The following NFASC variants were observed in gnomAD, a reference collection of about 807,000 sequenced individuals.
NFASC encodes neurofascin homolog.
Under a neutral mutation model 147.5 loss-of-function variants are expected in NFASC, and 43 were observed. The ratio of observed to expected loss-of-function variants is 0.29; its 90% CI spans 0.23 to 0.38. The LOEUF (loss-of-function observed/expected upper bound fraction) is 0.38. Ranked by LOEUF, NFASC falls within the 10% of genes least tolerant of loss-of-function variation. The probability of loss-of-function intolerance (pLI) is 1.00; values close to 1 mark genes in which losing one functional copy is unlikely to be tolerated. For synonymous variants in NFASC, 622 were observed against 665.5 expected, an observed-to-expected ratio of 0.93 and a Z score of 1.01; for missense variants, 1,320 against 1,689.0, an observed-to-expected ratio of 0.78 and a Z score of 3.83.
chr1:204,966,601 T>A (rs1165831605), intron 8 of NFASC, among the ~76,000 whole-genome samples: 2 of 152,214 alleles, frequency 1.3e-5, no homozygotes, highest in Non-Finnish European at 2.9e-5. Flanking sequence ...TAGACATAGA[T>A]GATAACCAAT....
chr1:204,918,832 A>C (rs186076975), intron 1 of NFASC, among the ~76,000 whole-genome samples: 2,231 of 152,084 alleles, frequency 0.015, 21 homozygotes, highest in South Asian at 0.032. Context: ...GTGATCTGCC[A>C]ACCTTGGCCT....
chr1:205,001,055 G>A (rs751172734), intron 25 of NFASC, 115 bp from the exon 26 acceptor site: 16 of 711,068 alleles, frequency 2.3e-5, no homozygotes, highest in East Asian at 8.2e-5. Context: ...ACATGTGTGC[G>A]TGCGCGAGTG....
chr1:204,876,753 C>T (rs1224982560), intron 1 of NFASC, among the ~76,000 whole-genome samples: 1 of 151,950 alleles, frequency 6.6e-6, no homozygotes, highest in Non-Finnish European at 1.5e-5. Context: ...TGTCAAGGCT[C>T]ATTATATTGC....
intron 27 of NFASC, among the ~76,000 whole-genome samples, chr1:205,003,622 A>T (rs1345269296): frequency 1.3e-5 from 2 of 152,136 alleles, no homozygotes; most frequent in Non-Finnish European, 2.9e-5. Flanking sequence ...ATTAAGAGAG[A>T]AAAGGATCAG....
At chr1:204,840,050 C>T (rs1439432763) in intron 1 of NFASC, among the ~76,000 whole-genome samples, 1 of 152,188 alleles carries the variant, frequency 6.6e-6, no homozygotes, top group Non-Finnish European at 1.5e-5. Context: ...CTGCCCTTCA[C>T]CATCCTCCAC....
chr1:204,994,479 G>A (rs2095804625), intron 24 of NFASC, among the ~76,000 whole-genome samples: 1 of 152,140 alleles, frequency 6.6e-6, no homozygotes, highest in South Asian at 2.1e-4. Context: ...GGGTATGAGT[G>A]TGTGTGTGTC....
At chr1:204,846,459 CATGA>C (rs1459346662) in intron 1 of NFASC, among the ~76,000 whole-genome samples, 7 of 152,046 alleles carry the variant, frequency 4.6e-5, no homozygotes, top group Non-Finnish European at 1.0e-4. Flanking sequence ...GGGAGTGCGG[CATGA>C]ATTAGGGTGG....
chr1:205,017,836 G>GC lies in NFASC; in HGVS notation c.*1302dup, dbSNP rs1382041097. On this transcript the variant is annotated 3_prime_UTR_variant, in exon 30 of 30. Coordinates refer to ENST00000339876, the MANE Select transcript of NFASC (RefSeq NM_001005388.3). Reference sequence around the variant, plus strand: ...GTGGCACCGTACTCAGTGTTGTGATGCCCCCACCTAGGGAGGACTCAATGC... The same window carrying GC: ...GTGGCACCGTACTCAGTGTTGTGATGCCCCCCACCTAGGGAGGACTCAATGC... 6.5e-6 allele frequency: 1 copy of GC among 152,726 alleles called. No homozygotes were observed. Among genetic ancestry groups the GC allele is most frequent in the African/African-American group, 2.4e-5 (1 of 41,446 alleles). The allele number at this position is 152,726 out of a possible 1,614,324, so 9.5% of individuals were successfully genotyped here. A position where few individuals can be genotyped will look rare whatever the true frequency, so the allele number is the denominator to read the frequency against.
intron 27 of NFASC, among the ~76,000 whole-genome samples, chr1:205,004,417 T>A (rs2096063965): frequency 6.6e-6 from 1 of 152,250 alleles, no homozygotes; most frequent in South Asian, 2.1e-4. Context: ...AGGCTCATCT[T>A]GATAGCTTGC....
At chr1:204,851,637 C>A (rs1333656818) in intron 1 of NFASC, among the ~76,000 whole-genome samples, 2 of 152,038 alleles carry the variant, frequency 1.3e-5, no homozygotes, top group Non-Finnish European at 2.9e-5. Context: ...CAGGTCAAAT[C>A]ATGCTTTTAT....
At chr1:205,006,209 G>A (rs941889875) in intron 27 of NFASC, among the ~76,000 whole-genome samples, 1 of 152,172 alleles carries the variant, frequency 6.6e-6, no homozygotes, top group African/African-American at 2.4e-5. Flanking sequence ...CAGGTTAACT[G>A]TATTATAGTA....
chr1:204,993,648 CAG>C (rs1402615515), intron 24 of NFASC: 1 of 441,210 alleles, frequency 2.3e-6, no homozygotes, highest in Non-Finnish European at 4.6e-6. Context: ...CCTTAGCTAA[CAG>C]AGAGTCTCTG....
intron 24 of NFASC, among the ~76,000 whole-genome samples, chr1:204,996,151 C>T (rs1244834796): frequency 6.6e-6 from 1 of 152,126 alleles, no homozygotes; most frequent in African/African-American, 2.4e-5. Context: ...AAAGTTGTCA[C>T]ATACATAAGC....
chr1:204,951,539 G>A (rs1435163113), intron 4 of NFASC, among the ~76,000 whole-genome samples: 2 of 149,046 alleles, frequency 1.3e-5, no homozygotes, highest in Non-Finnish European at 3.0e-5. Flanking sequence ...TGCGATCTCG[G>A]CTCACTGCAA....
chr1:204,859,542 C>T (rs2076487118), intron 1 of NFASC, among the ~76,000 whole-genome samples: 2 of 152,204 alleles, frequency 1.3e-5, no homozygotes, highest in African/African-American at 4.8e-5. Flanking sequence ...ATTATCTGTG[C>T]TATATTGTGG....
chr1:204,845,295 C>A (rs1003865813), intron 1 of NFASC, among the ~76,000 whole-genome samples: 44 of 140,530 alleles, frequency 3.1e-4, no homozygotes, highest in East Asian at 4.1e-4. Context: ...TACTAAAATA[C>A]AAAAAAAAAA....
In NFASC at chr1:204,952,020, C is replaced by T. The variant is rs764209077; in HGVS notation, c.119C>T (p.Pro40Leu). ...DPSIQNELTQ[P>L]PTITKQSAKD... Reference sequence around the variant, plus strand: ...CTGTGCACTGTTGCAGTGACGCAGCCGCCAACCATCACCAAGCAGTCAGCG... The same window carrying T: ...CTGTGCACTGTTGCAGTGACGCAGCTGCCAACCATCACCAAGCAGTCAGCG... The change falls in exon 5 of 30, where the codon CCG (proline) becomes CTG (leucine). Residue 40 changes from proline to leucine, a missense_variant. Coordinates refer to ENST00000339876, the MANE Select transcript of NFASC (RefSeq NM_001005388.3). The T allele has an allele frequency of 3.1e-6, 5 of 1,614,032 alleles. No individual in the cohort carries two copies. The highest frequency in any genetic ancestry group is 1.6e-4 in the Middle Eastern group (1 of 6,062).
intron 1 of NFASC, among the ~76,000 whole-genome samples, chr1:204,866,680 T>C (rs1020149747): frequency 1.1e-4 from 16 of 152,230 alleles, no homozygotes; most frequent in Admixed American, 2.6e-4. Context: ...ACTGCAAGCC[T>C]GTGTGTGCAA....
At chr1:204,973,243 C>G (rs780822483) in intron 11 of NFASC, 33 bp from the exon 12 acceptor site, 7 of 1,612,026 alleles carry the variant, frequency 4.3e-6, no homozygotes, top group Non-Finnish European at 4.2e-6. Flanking sequence ...CCCTCCCCAT[C>G]TCTCATGAGG....
Sources: gnomAD v4.1 joint callset for allele counts (sites outside exome capture counted in the v4.1 genomes callset) on GRCh38, gnomAD v4.1.1 for gene constraint, MANE v1.5 for transcripts, NCBI Gene and HGNC (gene_info 2026-07-23, HGNC 2026-07-21) for gene names.